Variants in FASTKD5 observed in about 807,000 individuals in gnomAD.
FASTKD5 encodes non-canonical pre-mRNAs endonuclease FASTKD5, mitochondrial.
A neutral mutation model predicts 44.0 loss-of-function variants in FASTKD5; 30 were observed. The ratio of observed to expected loss-of-function variants is 0.68; its 90% CI spans 0.51 to 0.93. FASTKD5 has a LOEUF of 0.93. Ranked by LOEUF, FASTKD5 falls within the 40% of genes least tolerant of loss-of-function variation. The probability of loss-of-function intolerance (pLI) is 0.00; values close to 1 mark genes in which losing one functional copy is unlikely to be tolerated. For missense variants in FASTKD5, 868 were observed against 908.2 expected, an observed-to-expected ratio of 0.96 and a Z score of 0.57; for synonymous variants, 335 against 342.2, an observed-to-expected ratio of 0.98 and a Z score of 0.23.
intron 1 of FASTKD5, among the ~76,000 whole-genome samples, chr20:3,154,737 T>C (rs2066666568): frequency 6.6e-6 from 1 of 151,732 alleles, no homozygotes; most frequent in Admixed American, 6.6e-5. Flanking sequence ...CCCTATTCAG[T>C]TGAGAATAAT....
Position 3,149,908 on chromosome 20 carries a change from A to G in FASTKD5, c.-190-648T>C, listed in dbSNP as rs1230320993. On this transcript the variant is annotated intron_variant, in intron 1 of 1. Transcript: ENST00000380266. The surrounding 1 kb of genome is among the most constrained non-coding windows in gnomAD (Gnocchi z 4.1). ...GCAGCACACACCTGTAATCCCAGCTACTCAGGAGGCTGAGGCAGGAGAATC... is the reference window on the plus strand; with the variant it reads ...GCAGCACACACCTGTAATCCCAGCTGCTCAGGAGGCTGAGGCAGGAGAATC... 2.0e-5 allele frequency among the ~76,000 whole-genome samples: 3 copies of G among 151,386 alleles called. No homozygotes were observed. Among genetic ancestry groups the G allele is most frequent in the Non-Finnish European group, 2.9e-5 (2 of 67,928 alleles).
intron 1 of FASTKD5, chr20:3,150,716 T>C (rs555693577): frequency 6.6e-6 from 1 of 152,342 alleles, no homozygotes; most frequent in East Asian, 1.9e-4. Flanking sequence ...CATCATCATT[T>C]AGTTCATCAA....
chr20:3,149,770 C>A lies in FASTKD5; in HGVS notation c.-190-510G>T, dbSNP rs188081315. The stretch of plus-strand genomic sequence containing the variant: ...GGGTGGCTCATGCCTGTAATGCCAG[C>A]ACTTTGGGAGGCCGAGGCAGGCAGA... On this transcript the variant is annotated intron_variant, in intron 1 of 1. Transcript: ENST00000380266. This position sits in a 1 kb window ranked among gnomAD's most constrained non-coding sequence, Gnocchi z 4.1. Among the ~76,000 whole-genome samples the A allele has an allele frequency of 1.4e-3, 207 of 152,270 alleles. No individual in the cohort carries two copies. Among genetic ancestry groups the A allele is most frequent in the African/African-American group, 4.8e-3 (201 of 41,570 alleles).
At chr20:3,157,418 C>T (rs2066697377) in intron 1 of FASTKD5, among the ~76,000 whole-genome samples, 1 of 152,220 alleles carries the variant, frequency 6.6e-6, no homozygotes, top group Non-Finnish European at 1.5e-5. Flanking sequence ...TTGTTCTAGA[C>T]TCCATGCTGA....
At chr20:3,153,606 C>T (rs1259137451) in intron 1 of FASTKD5, among the ~76,000 whole-genome samples, 5 of 152,048 alleles carry the variant, frequency 3.3e-5, no homozygotes, top group Non-Finnish European at 7.4e-5. Flanking sequence ...GTTCGGGGGG[C>T]AGTACGGGGT....
In FASTKD5 at chr20:3,146,782, A is replaced by G. The variant is rs1218734963; in HGVS notation, c.2289T>C (p.Ala763=). The G allele has an allele frequency of 5.6e-6, 9 of 1,613,218 alleles. No homozygotes were observed. Among genetic ancestry groups the G allele is most frequent in the South Asian group, 5.5e-5 (5 of 90,974 alleles). The part of the protein sequence containing the change: ...AFLHEKVFTS[A]L ...AAATGCCCCTAAATGCCCTTCAGAG[A>G]GCAGAGGTGAATACTTTCTCATGAA... Residue 763 remains alanine, a synonymous_variant, in exon 2 of 2, where the codon GCT becomes GCC. Transcript: ENST00000380266.
Position 3,147,513 on chromosome 20 carries a change from T to C in FASTKD5, c.1558A>G (p.Thr520Ala), listed in dbSNP as rs1272480943. 2 of 1,614,108 alleles carry C rather than the reference T, an allele frequency of 1.2e-6. No individual in the cohort carries two copies. The highest frequency in any genetic ancestry group is 1.3e-5 in the African/African-American group (1 of 74,930). The change falls in exon 2 of 2, where the codon ACA becomes GCA. Residue 520 changes from threonine to alanine, a missense_variant. By Grantham distance (58) the Thr-to-Ala change is moderately conservative. Transcript: ENST00000380266. ...TAATCTGGACACTCAATGCCAACTGTACCATCGAGGGTATATAGTTCCTTA... is the reference window on the plus strand; with the variant it reads ...TAATCTGGACACTCAATGCCAACTGCACCATCGAGGGTATATAGTTCCTTA... ...LLKELYTLDGTVGIECPDYRG... is the reference protein window; with the variant it reads ...LLKELYTLDGAVGIECPDYRG...
intron 1 of FASTKD5, among the ~76,000 whole-genome samples, chr20:3,153,652 C>T (rs1167314177): frequency 6.6e-6 from 1 of 152,142 alleles, no homozygotes; most frequent in African/African-American, 2.4e-5. Flanking sequence ...TCTAGGATTT[C>T]CAGGTGCCAG....
At chr20:3,151,788 C>T (rs1373287574) in intron 1 of FASTKD5, 1 of 151,776 alleles carries the variant, frequency 6.6e-6, no homozygotes, top group African/African-American at 2.4e-5. Context: ...AATACTACAG[C>T]ACAGGAAAGG....
intron 1 of FASTKD5, among the ~76,000 whole-genome samples, chr20:3,155,441 G>A (rs1041156277): frequency 6.6e-6 from 1 of 152,054 alleles, no homozygotes; most frequent in Non-Finnish European, 1.5e-5. Flanking sequence ...CGAGGCAGGA[G>A]AATCACTTGA....
intron 1 of FASTKD5, among the ~76,000 whole-genome samples, chr20:3,150,354 G>A (rs895578779): frequency 6.6e-6 from 1 of 152,148 alleles, no homozygotes; most frequent in Non-Finnish European, 1.5e-5. Context: ...GCCAATTGAC[G>A]CAACTGCCCC....
chr20:3,150,793 G>C (rs1360137783), intron 1 of FASTKD5: 1 of 152,190 alleles, frequency 6.6e-6, no homozygotes, highest in African/African-American at 2.4e-5. Context: ...CTAGATGGCA[G>C]GAACATATGT....
At chr20:3,156,884 A>G (rs897337060) in intron 1 of FASTKD5, 10 of 152,206 alleles carry the variant, frequency 6.6e-5, no homozygotes, top group African/African-American at 2.4e-4. Context: ...TCTATGTCCC[A>G]ATAAAATTGC....
rs1340177999 is a variant in FASTKD5, at chr20:3,152,761, A to G, written c.-190-3501T>C. On this transcript the variant is annotated intron_variant, in intron 1 of 1. Coordinates refer to ENST00000380266, the MANE Select transcript of FASTKD5 (RefSeq NM_021826.5). ...CATCTCTACTAAAAATACAAAAATT[A>G]GCTGGGCGTGGTAGTGCGCCTGTAA... 2.0e-5 allele frequency among the ~76,000 whole-genome samples: 3 copies of G among 151,712 alleles called. No individual in the cohort carries two copies. In the East Asian group the frequency reaches 5.9e-4, roughly 30 times the overall value.
At position 3,147,691 on chromosome 20, in the gene FASTKD5, T is replaced by A. The variant is rs1205108974; in HGVS notation, c.1380A>T (p.Arg460Ser). 1 of 1,614,246 alleles carries A rather than the reference T, an allele frequency of 6.2e-7. No homozygotes were observed. Among genetic ancestry groups the A allele is most frequent in the Admixed American group, 1.7e-5 (1 of 60,030 alleles). ...GGTACTGGTTGAATTCAGGCATCTT[T>A]CTGTGAATCTCACTTATCAGGCTGG... Reference protein sequence around the residue: ...FYSSLISEIHRKMPEFNQYPE... With the variant: ...FYSSLISEIHSKMPEFNQYPE... The change falls in exon 2 of 2, where the codon AGA becomes AGT. Residue 460 changes from arginine to serine, a missense_variant. Coordinates refer to ENST00000380266, the MANE Select transcript of FASTKD5 (RefSeq NM_021826.5).
chr20:3,159,177 A>G (rs954616843), intron 1 of FASTKD5, among the ~76,000 whole-genome samples: 3 of 152,118 alleles, frequency 2.0e-5, no homozygotes, highest in Non-Finnish European at 4.4e-5. Flanking sequence ...CATCAATACT[A>G]CCCTTAGGCT....
chr20:3,147,086 G>A lies in FASTKD5; in HGVS notation c.1985C>T (p.Ala662Val), dbSNP rs1200724094. ...QQPMELENKAAVPLGGFLCNV... is the reference protein window; with the variant it reads ...QQPMELENKAVVPLGGFLCNV... ...GCAAAGGAAGCCCCCCAGAGGTACA[G>A]CTGCCTTATTCTCCAACTCCATGGG... Residue 662 changes from alanine to valine, a missense_variant, in exon 2 of 2, where the codon GCT (alanine) becomes GTT (valine). Coordinates refer to ENST00000380266, the MANE Select transcript of FASTKD5 (RefSeq NM_021826.5). 3 of 1,614,100 alleles carry A rather than the reference G, an allele frequency of 1.9e-6. No homozygotes were observed. Among genetic ancestry groups the A allele is most frequent in the African/African-American group, 1.3e-5 (1 of 75,066 alleles).
At chr20:3,157,291 T>G (rs76360286) in intron 1 of FASTKD5, among the ~76,000 whole-genome samples, 14,383 of 152,036 alleles carry the variant, frequency 0.095, 752 homozygotes, top group Middle Eastern at 0.13. Flanking sequence ...CAGAGAGGAG[T>G]CTACCAGTAC....
rs960523305 is a variant in FASTKD5 at position 3,159,823 on chromosome 20, C to A, written c.-248G>T. ...AAACCGGGGACGCCGCGGGCGGCGG[C>A]GACACAGATACTGGCTCCTCCGGCG... On this transcript the variant is annotated 5_prime_UTR_variant, in exon 1 of 2. Coordinates refer to ENST00000380266, the MANE Select transcript of FASTKD5 (RefSeq NM_021826.5). 6.6e-6 allele frequency: 1 copy of A among 152,298 alleles called. No individual in the cohort carries two copies. The highest frequency in any genetic ancestry group is 1.5e-5 in the Non-Finnish European group (1 of 68,064). 9.4% of individuals were successfully genotyped at this position (152,298 alleles called of 1,614,324 possible).
Sources: gnomAD v4.1 joint callset for allele counts (sites outside exome capture counted in the v4.1 genomes callset) on GRCh38, gnomAD v4.1.1 for gene constraint, Gnocchi (gnomAD v3.1) non-coding constraint, MANE v1.5 for transcripts, NCBI Gene and HGNC (gene_info 2026-07-23, HGNC 2026-07-21) for gene names.